Variants in MBD4 observed in about 807,000 individuals in gnomAD.
MBD4 encodes methyl-CpG-binding domain protein 4.
Under a neutral mutation model 60.2 loss-of-function variants are expected in MBD4, and 53 were observed. The ratio of observed to expected loss-of-function variants is 0.88; its 90% CI spans 0.71 to 1.11. The LOEUF is 1.11. MBD4 is among the 50% of genes least tolerant of loss of function. MBD4 has a pLI of 0.00. For missense variants in MBD4, 619 were observed against 674.0 expected, an observed-to-expected ratio of 0.92 and a Z score of 0.90; for synonymous variants, 231 against 229.8, an observed-to-expected ratio of 1.01 and a Z score of -0.05.
Position 129,433,878 on chromosome 3 carries a change from G to C in MBD4, c.1365C>G (p.Ile455Met). The C allele has an allele frequency of 1.2e-6, 2 of 1,614,110 alleles. No homozygotes were observed. The highest frequency in any genetic ancestry group is 1.7e-6 in the Non-Finnish European group (2 of 1,179,992). ...AGGTCCGATTGAGAAATATAGTAGCGATGAGAAGCTTCCATGGATCATGAA... is the reference window on the plus strand; with the variant it reads ...AGGTCCGATTGAGAAATATAGTAGCCATGAGAAGCTTCCATGGATCATGAA... Reference protein sequence around the residue: ...TLFHDPWKLLIATIFLNRTSG... With the variant: ...TLFHDPWKLLMATIFLNRTSG... The change falls in exon 5 of 8, where the codon ATC (isoleucine) becomes ATG (methionine). Residue 455 changes from isoleucine (I) to methionine (M), a missense_variant. Coordinates refer to ENST00000429544, the MANE Select transcript of MBD4 (RefSeq NM_001276270.2).
intron 7 of MBD4, 92 bp downstream of exon 7, chr3:129,432,411 T>C (rs535039031): frequency 1.3e-5 from 21 of 1,609,328 alleles, no homozygotes; most frequent in Non-Finnish European, 1.7e-5. Context: ...TGTAATAGCA[T>C]TTGTATCCAA....
rs1418099400 is a variant in MBD4 at position 129,439,921 on chromosome 3, G to C, written c.-88C>G. The C allele has an allele frequency of 2.1e-6, 2 of 960,710 alleles. No individual in the cohort carries two copies. The highest frequency in any genetic ancestry group is 3.3e-6 in the Non-Finnish European group (2 of 606,930). The allele number at this position is 960,710 out of a possible 1,614,324, so 59.5% of individuals were successfully genotyped here. ...AAGATGTGAAACCTCTTCAGCTCACGGCACCGGGCTGCAACCGAGGTCTGA... is the reference window on the plus strand; with the variant it reads ...AAGATGTGAAACCTCTTCAGCTCACCGCACCGGGCTGCAACCGAGGTCTGA... On this transcript the variant is annotated 5_prime_UTR_variant, in exon 1 of 8. Coordinates refer to ENST00000429544, the MANE Select transcript of MBD4 (RefSeq NM_001276270.2).
At position 129,432,571 on chromosome 3, in the gene MBD4, C is replaced by T; in HGVS notation, c.1579G>A (p.Glu527Lys). Residue 527 changes from glutamate to lysine, a missense_variant, in exon 7 of 8, where the codon GAG (glutamate) becomes AAG (lysine). Physicochemically the swap from Glu to Lys is moderately conservative, Grantham distance 56. Transcript: ENST00000429544. The stretch of plus-strand genomic sequence containing the variant: ...CCATATTTACCAATCCCATGAAGCT[C>T]AATTGGATACTTCCACTGCTTTGTC... ...YLTKQWKYPI[E>K]LHGIGKYGND... 6.2e-7 allele frequency: 1 copy of T among 1,614,144 alleles called. No homozygotes were observed. Among genetic ancestry groups the T allele is most frequent in the Non-Finnish European group, 8.5e-7 (1 of 1,180,024 alleles).
At position 129,432,490 on chromosome 3, in the gene MBD4, G is replaced by C. The variant is rs764602863; in HGVS notation, c.1647+13C>G. 36 of 1,614,098 alleles carry C rather than the reference G, an allele frequency of 2.2e-5. No homozygotes were observed. The highest frequency in any genetic ancestry group is 3.0e-5 in the Non-Finnish European group (35 of 1,180,054). On this transcript the variant is annotated intron_variant, in intron 7 of 7. Transcript: ENST00000429544. Reference sequence around the variant, plus strand: ...ACCAAATGTGCTGAATTATGGATGGGAGTGAGCCTCACCTGCTTCCACTCA... The same window carrying C: ...ACCAAATGTGCTGAATTATGGATGGCAGTGAGCCTCACCTGCTTCCACTCA...
At position 129,436,878 on chromosome 3, in the gene MBD4, C is replaced by G; in HGVS notation, c.766G>C (p.Gly256Arg). Residue 256 changes from glycine (G) to arginine (R), a missense_variant, in exon 3 of 8, where the codon GGT becomes CGT. Gly to Arg is a moderately radical substitution (Grantham distance 125). Coordinates refer to ENST00000429544, the MANE Select transcript of MBD4 (RefSeq NM_001276270.2). Reference sequence around the variant, plus strand: ...CTTTTGCTATCACTTTGAACAAAACCTGAACAGCTCTTCCTACATCCTTTT... The same window carrying G: ...CTTTTGCTATCACTTTGAACAAAACGTGAACAGCTCTTCCTACATCCTTTT... ...TKKGCRKSCS[G>R]FVQSDSKRES... 8.1e-6 allele frequency: 13 copies of G among 1,614,160 alleles called. No homozygotes were observed. The highest frequency in any genetic ancestry group is 1.1e-5 in the Non-Finnish European group (13 of 1,180,020).
At chr3:129,436,331 T>G in intron 3 of MBD4, 130 bp downstream of exon 3, 1 of 1,105,810 alleles carries the variant, frequency 9.0e-7, no homozygotes, top group Non-Finnish European at 1.3e-6. Flanking sequence ...TATTTGGCCC[T>G]ATTTCTTGGC....
In MBD4 at chr3:129,434,128, T is replaced by C. The variant is rs746871273; in HGVS notation, c.1192A>G (p.Ile398Val). ...CTTCTTTCTATCTGTGTTCGTGGGATGGTATCTTCTGAAAAGGAAAAGTAA... is the reference window on the plus strand; with the variant it reads ...CTTCTTTCTATCTGTGTTCGTGGGACGGTATCTTCTGAAAAGGAAAAGTAA... ...PTRKDFTEDT[I>V]PRTQIERRKT... Residue 398 changes from isoleucine to valine, a missense_variant, in exon 4 of 8, where the codon ATC becomes GTC. Ile to Val is a conservative substitution (Grantham distance 29, BLOSUM62 3). Transcript: ENST00000429544. 3 of 1,613,696 alleles carry C rather than the reference T, an allele frequency of 1.9e-6. No individual in the cohort carries two copies. The highest frequency in any genetic ancestry group is 1.7e-6 in the Non-Finnish European group (2 of 1,179,728).
rs761551915 is a variant in MBD4, at chr3:129,433,967, G to A, written c.1276C>T (p.Arg426Cys). 23 of 1,614,050 alleles carry A rather than the reference G, an allele frequency of 1.4e-5. No homozygotes were observed. The highest frequency in any genetic ancestry group is 6.7e-5 in the East Asian group (3 of 44,896). ...GGTGTCCATTTCTTAAAGGCTTTAC[G>A]TCGTGGGGGGCTAAGAGCTAAACAA... is the stretch of plus-strand genomic sequence containing the variant. ...YNKEALSPPR[R>C]KAFKKWTPPR... The change falls in exon 5 of 8, where the codon CGT (arginine) becomes TGT (cysteine). Residue 426 changes from arginine to cysteine, a missense_variant. Arg to Cys is a radical substitution (Grantham distance 180, BLOSUM62 -3). Transcript: ENST00000429544.
intron 7 of MBD4, 48 bp downstream of exon 7, chr3:129,432,455 T>G (rs913946612): frequency 3.7e-6 from 6 of 1,614,008 alleles, no homozygotes; most frequent in Non-Finnish European, 5.1e-6. Context: ...GGACTTATTT[T>G]GCCTCAGAGA....
Position 129,431,146 on chromosome 3 carries a change from G to T in MBD4, c.*355C>A. 3.7e-6 allele frequency: 1 copy of T among 266,832 alleles called. No individual in the cohort carries two copies. The highest frequency in any genetic ancestry group is 5.1e-5 in the Admixed American group (1 of 19,460). 16.5% of individuals were successfully genotyped at this position (266,832 alleles called of 1,614,324 possible). On this transcript the variant is annotated 3_prime_UTR_variant, in exon 8 of 8. Transcript: ENST00000429544. ...CAGGCATGCACCACCACGCCTAGCC[G>T]ATAAAAATATTTAGTGGGCCCCTAG...
chr3:129,436,753 A>ACCACATG lies in MBD4; in HGVS notation c.884_890dup (p.Glu298MetfsTer3), dbSNP rs2072470221. 6.2e-7 allele frequency: 1 copy of ACCACATG among 1,613,638 alleles called. No individual in the cohort carries two copies. Among genetic ancestry groups the ACCACATG allele is most frequent in the South Asian group, 1.1e-5 (1 of 91,072 alleles). ...CTTCACTGGTCACACTGAGGGTCTC[A>ACCACATG]CCACATGCTCCAGCATCAGAAATGC... On this transcript the variant is annotated frameshift_variant, in exon 3 of 8. Coordinates refer to ENST00000429544, the MANE Select transcript of MBD4 (RefSeq NM_001276270.2). LOFTEE classifies it high-confidence loss of function.
chr3:129,432,246 C>G (rs552135215), intron 7 of MBD4: 28 of 1,440,162 alleles, frequency 1.9e-5, no homozygotes, highest in Non-Finnish European at 2.5e-5. Context: ...TAGGGAATGA[C>G]AGGAACAGGG....
Position 129,437,195 on chromosome 3 carries a change from C to T in MBD4, c.449G>A (p.Gly150Asp), listed in dbSNP as rs762698030. The T allele has an allele frequency of 1.2e-6, 2 of 1,613,868 alleles. No individual in the cohort carries two copies. Among genetic ancestry groups the T allele is most frequent in the South Asian group, 1.1e-5 (1 of 90,994 alleles). Residue 150 changes from glycine to aspartate, a missense_variant, in exon 3 of 8, where the codon GGT (glycine) becomes GAT (aspartate). By Grantham distance (94) the Gly-to-Asp change is moderately conservative. Coordinates refer to ENST00000429544, the MANE Select transcript of MBD4 (RefSeq NM_001276270.2). ...GCAGTCTTTATATCTTGACTTGATA[C>T]CCCTTTTAGAAAGTACAGTAAAATC... ...DFDFTVLSKR[G>D]IKSRYKDCSM...
intron 7 of MBD4, chr3:129,432,135 C>T: frequency 8.0e-7 from 1 of 1,257,186 alleles, no homozygotes; most frequent in Non-Finnish European, 1.0e-6. Context: ...CTAAGAGAAA[C>T]CCAATATGCA....
At chr3:129,432,310 C>T (rs2072360478) in intron 7 of MBD4, 193 bp downstream of exon 7, 5 of 1,499,820 alleles carry the variant, frequency 3.3e-6, no homozygotes, top group Non-Finnish European at 4.4e-6. Flanking sequence ...CTGGACTGGT[C>T]TTTGTGGACT....
At position 129,436,570 on chromosome 3, in the gene MBD4, G is replaced by T. The variant is rs139242730; in HGVS notation, c.1074C>A (p.Ile358=). The change falls in exon 3 of 8, where the codon ATC becomes ATA. Residue 358 remains isoleucine (I), a synonymous_variant. Transcript: ENST00000429544. The part of the protein sequence containing the change: ...YEDTFLESEE[I]GTKVEVVERK... ...TTTCCACAACTTCTACTTTTGTTCC[G>T]ATTTCTTCAGATTCTAAAAAGGTAT... 1.3e-4 allele frequency: 204 copies of T among 1,613,942 alleles called. No individual in the cohort carries two copies. The highest frequency in any genetic ancestry group is 1.6e-4 in the Non-Finnish European group (188 of 1,180,012).
In MBD4 at chr3:129,436,668, C is replaced by T. The variant is rs2072467816; in HGVS notation, c.976G>A (p.Glu326Lys). ...TTTATGATGCCAGAAGTTTTTTGTTCAGAACAAAAATTTGATCCTGAACTC... is the reference window on the plus strand; with the variant it reads ...TTTATGATGCCAGAAGTTTTTTGTTTAGAACAAAAATTTGATCCTGAACTC... ...SLSSGSNFCS[E>K]QKTSGIINKF... is the part of the protein sequence containing the mutation. Residue 326 changes from glutamate (E) to lysine (K), a missense_variant, in exon 3 of 8, where the codon GAA (glutamate) becomes AAA (lysine). Transcript: ENST00000429544. The T allele has an allele frequency of 6.2e-7, 1 of 1,613,862 alleles. No homozygotes were observed. Among genetic ancestry groups the T allele is most frequent in the Non-Finnish European group, 8.5e-7 (1 of 1,179,968 alleles).
chr3:129,433,477 T>A, intron 5 of MBD4: 1 of 607,038 alleles, frequency 1.6e-6, no homozygotes, highest in South Asian at 2.0e-5. Context: ...AAAACTGGCC[T>A]TGCATGATTA....
intron 3 of MBD4, among the ~76,000 whole-genome samples, chr3:129,435,668 C>A (rs2072444195): frequency 6.6e-6 from 1 of 152,150 alleles, no homozygotes; most frequent in South Asian, 2.1e-4. Context: ...ACAAATTTCT[C>A]CAGGCTGTTT....
Sources: allele counts gnomAD v4.1 joint callset (sites outside exome capture counted in the v4.1 genomes callset), GRCh38; gene constraint gnomAD v4.1.1; transcripts MANE v1.5; gene names NCBI Gene and HGNC (gene_info 2026-07-23, HGNC 2026-07-21).